The following MAML3 variants were observed in gnomAD, a reference collection of about 807,000 sequenced individuals.
MAML3 encodes mastermind-like protein 3.
Under a neutral mutation model 101.9 loss-of-function variants are expected in MAML3, and 27 were observed. The observed-to-expected ratio is 0.27, with a 90% confidence interval of 0.20 to 0.37. MAML3 has a LOEUF of 0.37. Ranked by LOEUF, MAML3 falls within the 10% of genes least tolerant of loss-of-function variation. The pLI, the probability that MAML3 is intolerant of heterozygous loss-of-function variation, is 1.00. For synonymous variants in MAML3, 501 were observed against 555.9 expected, an observed-to-expected ratio of 0.90 and a Z score of 1.39; for missense variants, 1,316 against 1,444.9, an observed-to-expected ratio of 0.91 and a Z score of 1.45.
At chr4:139,780,202 A>T (rs1730172999) in intron 2 of MAML3, among the ~76,000 whole-genome samples, 1 of 152,244 alleles carries the variant, frequency 6.6e-6, no homozygotes, top group Non-Finnish European at 1.5e-5. Flanking sequence ...CTGTGCAGGT[A>T]CAGAACATCT....
intron 1 of MAML3, among the ~76,000 whole-genome samples, chr4:139,989,833 C>T (rs1277213406): frequency 1.4e-5 from 2 of 142,856 alleles, no homozygotes; most frequent in African/African-American, 2.6e-5. Context: ...ACCCCTGCAC[C>T]CCACCACACA....
At chr4:139,919,231 C>T (rs965229236) in intron 1 of MAML3, among the ~76,000 whole-genome samples, 3 of 151,958 alleles carry the variant, frequency 2.0e-5, no homozygotes, top group Non-Finnish European at 4.4e-5. Context: ...TAGATATGGT[C>T]TTCATTGAAG....
At chr4:140,010,286 CAAATTT>C (rs1411135881) in intron 1 of MAML3, among the ~76,000 whole-genome samples, 2 of 152,158 alleles carry the variant, frequency 1.3e-5, no homozygotes, top group Admixed American at 6.5e-5. Context: ...GCAGAAGGAA[CAAATTT>C]AAATCAGATG....
Position 139,759,229 on chromosome 4 carries a change from C to A in MAML3, c.2080-28562G>T, listed in dbSNP as rs563837708. The stretch of plus-strand genomic sequence containing the variant: ...AGCAGTTATGACAGAAAGAGAAGAG[C>A]CGCAGCAGAAGAGCAGTCTGGTTAC... On this transcript the variant is annotated intron_variant, in intron 2 of 4. Coordinates refer to ENST00000509479, the MANE Select transcript of MAML3 (RefSeq NM_018717.5). 1.4e-4 allele frequency among the ~76,000 whole-genome samples: 22 copies of A among 152,314 alleles called. No homozygotes were observed. In the South Asian group the frequency reaches 4.6e-3, roughly 32 times the overall value.
chr4:139,882,336 A>G (rs571458510), intron 2 of MAML3, among the ~76,000 whole-genome samples: 4 of 152,170 alleles, frequency 2.6e-5, no homozygotes, highest in African/African-American at 9.6e-5. Flanking sequence ...TTTTTTAAAA[A>G]GTGCATAGTA....
At chr4:139,837,498 C>T (rs932209650) in intron 2 of MAML3, among the ~76,000 whole-genome samples, 2 of 151,354 alleles carry the variant, frequency 1.3e-5, no homozygotes, top group Non-Finnish European at 2.9e-5. Flanking sequence ...ACTCCATCTC[C>T]AAAACCAAAC....
intron 1 of MAML3, among the ~76,000 whole-genome samples, chr4:139,911,600 T>C (rs1272347353): frequency 6.6e-6 from 1 of 152,220 alleles, no homozygotes; most frequent in Admixed American, 6.5e-5. Context: ...GAAATTCACA[T>C]GTTGAAATCC....
At chr4:139,974,618 G>A (rs1014815529) in intron 1 of MAML3, among the ~76,000 whole-genome samples, 7 of 152,104 alleles carry the variant, frequency 4.6e-5, no homozygotes, top group African/African-American at 1.7e-4. Context: ...AAATGAAGGA[G>A]TCAGAAGAGA....
chr4:139,790,582 T>G (rs113778773), intron 2 of MAML3, among the ~76,000 whole-genome samples: 6 of 152,220 alleles, frequency 3.9e-5, no homozygotes, highest in African/African-American at 1.4e-4. Flanking sequence ...TAACCTCTAT[T>G]CTACTTTGTC....
chr4:139,726,662 C>G (rs1339414548), intron 3 of MAML3, among the ~76,000 whole-genome samples: 2 of 151,152 alleles, frequency 1.3e-5, no homozygotes, highest in African/African-American at 2.4e-5. Context: ...GCCACACTGC[C>G]TGTAAAATAC....
At chr4:140,052,267 C>T (rs1262657966) in intron 1 of MAML3, among the ~76,000 whole-genome samples, 2 of 152,204 alleles carry the variant, frequency 1.3e-5, no homozygotes, top group Non-Finnish European at 2.9e-5. Flanking sequence ...TATACTGGCT[C>T]TCCACTGAGA....
intron 1 of MAML3, among the ~76,000 whole-genome samples, chr4:140,138,962 T>C (rs1381561241): frequency 6.6e-6 from 1 of 152,228 alleles, no homozygotes; most frequent in Admixed American, 6.5e-5. Flanking sequence ...ATATGGCTAT[T>C]TGGCTATTCT....
At chr4:140,070,168 C>CTT (rs1727626177) in intron 1 of MAML3, among the ~76,000 whole-genome samples, 1 of 151,910 alleles carries the variant, frequency 6.6e-6, no homozygotes, top group Non-Finnish European at 1.5e-5. Flanking sequence ...GAGCCAGACT[C>CTT]TAAGTTTTGT....
At chr4:139,952,082 T>C (rs901580229) in intron 1 of MAML3, among the ~76,000 whole-genome samples, 1 of 152,020 alleles carries the variant, frequency 6.6e-6, no homozygotes, top group African/African-American at 2.4e-5. Flanking sequence ...GGAGAATCGC[T>C]TGAACCCAGG....
chr4:140,049,309 C>G (rs544469130), intron 1 of MAML3, among the ~76,000 whole-genome samples: 1 of 152,202 alleles, frequency 6.6e-6, no homozygotes. Flanking sequence ...CCACCGGTCA[C>G]AGACAACGCT....
At chr4:139,870,880 G>T (rs922830117) in intron 2 of MAML3, among the ~76,000 whole-genome samples, 20 of 151,972 alleles carry the variant, frequency 1.3e-4, no homozygotes, top group African/African-American at 4.4e-4. Context: ...ACATTCAACA[G>T]GAAAAATGAG....
intron 1 of MAML3, among the ~76,000 whole-genome samples, chr4:139,969,500 G>C (rs1734197694): frequency 6.6e-6 from 1 of 152,024 alleles, no homozygotes. Context: ...TAAGCATGAA[G>C]AATTTCCACA....
chr4:139,773,999 G>T (rs1184728021), intron 2 of MAML3, among the ~76,000 whole-genome samples: 4 of 152,206 alleles, frequency 2.6e-5, no homozygotes, highest in Non-Finnish European at 5.9e-5. Context: ...AAAGCACATG[G>T]TCAGGAGTTC....
intron 1 of MAML3, among the ~76,000 whole-genome samples, chr4:140,090,879 C>T (rs1479554833): frequency 1.3e-5 from 2 of 152,018 alleles, no homozygotes; most frequent in East Asian, 1.9e-4. Context: ...GGTGAAACAC[C>T]GTCTCTACTT....
Sources: gnomAD v4.1 joint callset for allele counts (sites outside exome capture counted in the v4.1 genomes callset) on GRCh38, gnomAD v4.1.1 for gene constraint, MANE v1.5 for transcripts, NCBI Gene and HGNC (gene_info 2026-07-23, HGNC 2026-07-21) for gene names.